The following ACSM3 variants were observed in gnomAD, a reference collection of about 807,000 sequenced individuals.
ACSM3 encodes acyl-coenzyme A synthetase ACSM3, mitochondrial.
In ACSM3, 61 loss-of-function variants were observed where a neutral mutation model predicts 74.1. The observed-to-expected ratio is 0.82, with a 90% CI of 0.67 to 1.02. The LOEUF (loss-of-function observed/expected upper bound fraction) is 1.02. Ranked by LOEUF, ACSM3 falls within the 50% of genes least tolerant of loss-of-function variation. The pLI is 0.00. For missense variants in ACSM3, 660 were observed against 697.0 expected, an observed-to-expected ratio of 0.95 and a Z score of 0.60; for synonymous variants, 213 against 241.5, an observed-to-expected ratio of 0.88 and a Z score of 1.09.
intron 1 of ACSM3, chr16:20,685,335 G>C: frequency 6.2e-7 from 1 of 1,614,184 alleles, no homozygotes. Context: ...TCTCTCTGAA[G>C]CTCCACTTTA....
At chr16:20,781,200 TA>T in intron 6 of ACSM3, 70 bp downstream of exon 6, 1 of 1,549,658 alleles carries the variant, frequency 6.5e-7, no homozygotes, top group Non-Finnish European at 8.8e-7. Flanking sequence ...AACTGGTGAA[TA>T]AAGCAACTTG....
intron 1 of ACSM3, chr16:20,718,418 G>T: frequency 1.3e-6 from 1 of 793,346 alleles, no homozygotes; most frequent in Non-Finnish European, 1.8e-6. Context: ...TATTTCACCA[G>T]TGGGACGACA....
In ACSM3 at chr16:20,780,790, A is replaced by C. The variant is rs768389216; in HGVS notation, c.715A>C (p.Ser239Arg). Residue 239 changes from serine to arginine, a missense_variant, in exon 5 of 14, where the codon AGT becomes CGT. Ser to Arg is a moderately radical substitution (Grantham distance 110). Coordinates refer to ENST00000289416, the MANE Select transcript of ACSM3 (RefSeq NM_005622.4). ...GGCCATATTCTTTACCAGTGGAACAAGTGGATATCCGAAAATGACTGCACA... is the reference window on the plus strand; with the variant it reads ...GGCCATATTCTTTACCAGTGGAACACGTGGATATCCGAAAATGACTGCACA... Reference protein sequence around the residue: ...IMAIFFTSGTSGYPKMTAHTH... With the variant: ...IMAIFFTSGTRGYPKMTAHTH... 3 of 1,614,260 alleles carry C rather than the reference A, an allele frequency of 1.9e-6. No homozygotes were observed. The highest frequency in any genetic ancestry group is 2.5e-6 in the Non-Finnish European group (3 of 1,180,044).
chr16:20,686,954 C>G (rs1038157980), intron 1 of ACSM3, among the ~76,000 whole-genome samples: 1 of 150,720 alleles, frequency 6.6e-6, no homozygotes, highest in African/African-American at 2.4e-5. Flanking sequence ...AAAAGCCATA[C>G]TCAAAATGGT....
At chr16:20,697,677 G>C (rs1201897807) in intron 1 of ACSM3, 1 of 152,094 alleles carries the variant, frequency 6.6e-6, no homozygotes, top group Non-Finnish European at 1.5e-5. Context: ...TCCCTGGTAG[G>C]TATGGAAAAG....
At chr16:20,769,268 A>T (rs1477058542) in intron 1 of ACSM3, among the ~76,000 whole-genome samples, 1 of 152,246 alleles carries the variant, frequency 6.6e-6, no homozygotes, top group Non-Finnish European at 1.5e-5. Context: ...CAAGTAAATG[A>T]CATTGTGATC....
intron 9 of ACSM3, among the ~76,000 whole-genome samples, chr16:20,788,500 A>C (rs1306918409): frequency 6.6e-6 from 1 of 152,092 alleles, no homozygotes; most frequent in African/African-American, 2.4e-5. Context: ...ATCCCCAGTC[A>C]TTTTTAACTC....
At chr16:20,741,481 G>GGGGGGGGGGGGGGGGGC in intron 1 of ACSM3, 4 of 1,308,414 alleles carry the variant, frequency 3.1e-6, no homozygotes, top group Non-Finnish European at 3.0e-6. Context: ...CTGGCAGCCG[G>GGGGGGGGGGGGGGGGGC]CCCGCCCGCC....
rs1353835367 is a variant in ACSM3, at chr16:20,792,232, C to CT, written c.1455-3dup. 3 of 1,613,980 alleles carry CT rather than the reference C, an allele frequency of 1.9e-6. No homozygotes were observed. Among genetic ancestry groups the CT allele is most frequent in the Admixed American group, 1.7e-5 (1 of 59,994 alleles). ...GTATGTATTCCTGCCATATGTGTTT[C>CT]TAGCTATCGAATTGGACCATTTGAG... On this transcript the variant is annotated splice_polypyrimidine_tract_variant and splice_region_variant and intron_variant, in intron 11 of 13. Transcript: ENST00000289416.
At chr16:20,772,418 A>G (rs889363414) in intron 2 of ACSM3, among the ~76,000 whole-genome samples, 2 of 152,158 alleles carry the variant, frequency 1.3e-5, no homozygotes, top group Non-Finnish European at 1.5e-5. Flanking sequence ...ATTAAAATAA[A>G]AAATAAAACA....
chr16:20,770,365 C>A, intron 2 of ACSM3, 112 bp downstream of exon 2: 2 of 890,194 alleles, frequency 2.2e-6, no homozygotes, highest in Non-Finnish European at 3.5e-6. Flanking sequence ...GGGGCAGAGG[C>A]AGTTGCTACT....
intron 1 of ACSM3, chr16:20,682,094 C>T: frequency 1.5e-6 from 1 of 654,540 alleles, no homozygotes; most frequent in Non-Finnish European, 2.6e-6. Flanking sequence ...AAAAGGTAAC[C>T]TGACTCTTTG....
intron 1 of ACSM3, chr16:20,729,397 G>A: frequency 1.7e-6 from 2 of 1,149,680 alleles, no homozygotes; most frequent in Non-Finnish European, 1.3e-6. Flanking sequence ...AGGATTGACA[G>A]GGGGGGAGCT....
chr16:20,755,753 T>A (rs1189167100), intron 3 of ACSM3: 1 of 147,416 alleles, frequency 6.8e-6, no homozygotes, highest in African/African-American at 2.5e-5. Flanking sequence ...TCATTTAGCA[T>A]TAGGTATATC....
At chr16:20,738,985 A>C (rs1384097461) in intron 1 of ACSM3, 1 of 1,614,060 alleles carries the variant, frequency 6.2e-7, no homozygotes, top group Admixed American at 1.7e-5. Flanking sequence ...TAGATGCCTT[A>C]ATGTCACCAA....
rs1276290425 is a variant in ACSM3, at chr16:20,790,759, A to G, written c.1326+71A>G. The G allele has an allele frequency of 9.3e-6, 15 of 1,613,468 alleles. No homozygotes were observed. The highest frequency in any genetic ancestry group is 1.2e-5 in the Non-Finnish European group (14 of 1,179,576). On this transcript the variant is annotated intron_variant, in intron 10 of 13. Coordinates refer to ENST00000289416, the MANE Select transcript of ACSM3 (RefSeq NM_005622.4). This position sits in a 1 kb window ranked among gnomAD's most constrained non-coding sequence, Gnocchi z 4.0. ...TGCTTGGTAACAATCCCTGTTTGCCACAAAACATACCTAGGATAGGTACTT... is the reference window on the plus strand; with the variant it reads ...TGCTTGGTAACAATCCCTGTTTGCCGCAAAACATACCTAGGATAGGTACTT...
chr16:20,760,449 T>C (rs916105545), upstream of ACSM3, among the ~76,000 whole-genome samples: 12 of 152,152 alleles, frequency 7.9e-5, no homozygotes, highest in Admixed American at 3.3e-4. Flanking sequence ...GCAGGAACCA[T>C]GTGAGGCAGG....
intron 1 of ACSM3, among the ~76,000 whole-genome samples, chr16:20,741,064 G>C (rs900660794): frequency 6.6e-6 from 1 of 151,986 alleles, no homozygotes; most frequent in African/African-American, 2.4e-5. Context: ...TAGGGTTTAG[G>C]ACTACCCTGG....
intron 1 of ACSM3, among the ~76,000 whole-genome samples, chr16:20,732,269 C>T (rs1827145484): frequency 6.6e-6 from 1 of 152,166 alleles, no homozygotes; most frequent in Admixed American, 6.5e-5. Flanking sequence ...TTGATACTGA[C>T]TGATCCTCTG....
Sources: allele counts gnomAD v4.1 joint callset (sites outside exome capture counted in the v4.1 genomes callset), GRCh38; gene constraint gnomAD v4.1.1; non-coding constraint Gnocchi (gnomAD v3.1); transcripts MANE v1.5; gene names NCBI Gene and HGNC (gene_info 2026-07-23, HGNC 2026-07-21).